The following KCNF1 variants were observed in gnomAD, a reference collection of about 807,000 sequenced individuals.
KCNF1 encodes voltage-gated potassium channel regulatory subunit KCNF1.
Under a neutral mutation model 28.6 loss-of-function variants are expected in KCNF1, and 9 were observed. The observed-to-expected ratio is 0.31, with a 90% CI of 0.19 to 0.55. The LOEUF (loss-of-function observed/expected upper bound fraction) is 0.55. Ranked by LOEUF, KCNF1 falls within the 20% of genes least tolerant of loss-of-function variation. The probability of loss-of-function intolerance (pLI) is 0.93; values close to 1 mark genes in which losing one functional copy is unlikely to be tolerated. For missense variants in KCNF1, 461 were observed against 684.2 expected, an observed-to-expected ratio of 0.67 and a Z score of 3.64; for synonymous variants, 328 against 299.6, an observed-to-expected ratio of 1.09 and a Z score of -0.98.
At position 10,913,041 on chromosome 2, in the gene KCNF1, C is replaced by T. The variant is rs775683846; in HGVS notation, c.615C>T (p.Pro205=). Residue 205 remains proline (P), a synonymous_variant, in exon 1 of 1, where the codon CCC becomes CCT. Coordinates refer to ENST00000295082, the MANE Select transcript of KCNF1 (RefSeq NM_002236.5). This position sits in a 1 kb window ranked among gnomAD's most constrained non-coding sequence, Gnocchi z 5.5. The part of the protein sequence containing the change: ...SSVVMCMGTI[P]ELQVLDAEGN... Reference sequence around the variant, plus strand: ...TGGTCATGTGCATGGGCACCATCCCCGAGCTGCAGGTGCTGGACGCCGAGG... The same window carrying T: ...TGGTCATGTGCATGGGCACCATCCCTGAGCTGCAGGTGCTGGACGCCGAGG... 2.2e-5 allele frequency: 35 copies of T among 1,604,030 alleles called. No homozygotes were observed. The East Asian group carries it at 5.3e-4, about 25-fold the overall frequency.
rs906710164 is a variant in KCNF1 at position 10,914,072 on chromosome 2, A to G, written c.*161A>G. Reference sequence around the variant, plus strand: ...GGCACCTCTGCCAAGGCTGGGTAAGACTCCTCTATGTTGCCTGCTGTCCAG... The same window carrying G: ...GGCACCTCTGCCAAGGCTGGGTAAGGCTCCTCTATGTTGCCTGCTGTCCAG... On this transcript the variant is annotated 3_prime_UTR_variant, in exon 1 of 1. Transcript: ENST00000295082. 6.4e-6 allele frequency: 5 copies of G among 782,772 alleles called. No individual in the cohort carries two copies. The highest frequency in any genetic ancestry group is 9.6e-6 in the Non-Finnish European group (5 of 522,652). 48.5% of individuals were successfully genotyped at this position (782,772 alleles called of 1,614,324 possible). A position where few individuals can be genotyped will look rare whatever the true frequency, so the allele number is the denominator to read the frequency against.
In KCNF1 at chr2:10,912,510, C is replaced by T. The variant is rs770616553; in HGVS notation, c.84C>T (p.Asn28=). 1.9e-5 allele frequency: 30 copies of T among 1,599,056 alleles called. No individual in the cohort carries two copies. Among genetic ancestry groups the T allele is most frequent in the Non-Finnish European group, 2.5e-5 (29 of 1,173,718 alleles). The part of the protein sequence containing the change: ...AASDDIEIVV[N]VGGVRQVLYG... ...GCGACGACATAGAGATAGTCGTCAA[C>T]GTGGGGGGCGTGCGGCAGGTGCTGT... The change falls in exon 1 of 1, where the codon AAC becomes AAT. Residue 28 remains asparagine, a synonymous_variant. Coordinates refer to ENST00000295082, the MANE Select transcript of KCNF1 (RefSeq NM_002236.5). This position sits in a 1 kb window ranked among gnomAD's most constrained non-coding sequence, Gnocchi z 7.9.
chr2:10,913,100 T>C lies in KCNF1; in HGVS notation c.674T>C (p.Val225Ala). The C allele has an allele frequency of 6.2e-7, 1 of 1,610,282 alleles. No individual in the cohort carries two copies. The highest frequency in any genetic ancestry group is 2.2e-5 in the East Asian group (1 of 44,888). ...GTGGAGCACCCGACGCTGGAGAACG[T>C]GGAGACGGCGTGCATTGGCTGGTTC... ...NRVEHPTLEN[V>A]ETACIGWFTL... Residue 225 changes from valine to alanine, a missense_variant, in exon 1 of 1, where the codon GTG becomes GCG. Around this residue, in one of 4 missense-constraint regions of KCNF1, gnomAD observed 193 missense variants for 280.6 expected, o/e 0.69. Coordinates refer to ENST00000295082, the MANE Select transcript of KCNF1 (RefSeq NM_002236.5). The surrounding 1 kb of genome is among the most constrained non-coding windows in gnomAD (Gnocchi z 5.5).
At position 10,912,026 on chromosome 2, in the gene KCNF1, C is replaced by G. The variant is rs1661540637; in HGVS notation, c.-401C>G. Reference sequence around the variant, plus strand: ...CGCGGACGGCGTGGGTCCGCCAGCTCCGGGACCTGCCGCCGCTGCCTGCGC... The same window carrying G: ...CGCGGACGGCGTGGGTCCGCCAGCTGCGGGACCTGCCGCCGCTGCCTGCGC... On this transcript the variant is annotated 5_prime_UTR_variant, in exon 1 of 1. Transcript: ENST00000295082. This position sits in a 1 kb window ranked among gnomAD's most constrained non-coding sequence, Gnocchi z 7.9. 1 of 152,110 alleles carries G rather than the reference C, an allele frequency of 6.6e-6. No individual in the cohort carries two copies. The highest frequency in any genetic ancestry group is 1.5e-5 in the Non-Finnish European group (1 of 68,006). 9.4% of individuals were successfully genotyped at this position (152,110 alleles called of 1,614,324 possible). A position where few individuals can be genotyped will look rare whatever the true frequency, so the allele number is the denominator to read the frequency against.
rs952167995 is a variant in KCNF1, at chr2:10,912,334, C to G, written c.-93C>G. ...CCGGCCAGGCTCTCCCCGAGATCAGCGCACGGGTGGCACCCGCCGGACCCC... is the reference window on the plus strand; with the variant it reads ...CCGGCCAGGCTCTCCCCGAGATCAGGGCACGGGTGGCACCCGCCGGACCCC... On this transcript the variant is annotated 5_prime_UTR_variant, in exon 1 of 1. Transcript: ENST00000295082. The surrounding 1 kb of genome is among the most constrained non-coding windows in gnomAD (Gnocchi z 7.9). 1 of 1,033,044 alleles carries G rather than the reference C, an allele frequency of 9.7e-7. No individual in the cohort carries two copies. The highest frequency in any genetic ancestry group is 1.2e-6 in the Non-Finnish European group (1 of 818,802). The allele number at this position is 1,033,044 out of a possible 1,614,324, so 64.0% of individuals were successfully genotyped here.
chr2:10,913,739 G>T lies in KCNF1; in HGVS notation c.1313G>T (p.Gly438Val), dbSNP rs763611972. The change falls in exon 1 of 1, where the codon GGC becomes GTC. Residue 438 changes from glycine to valine, a missense_variant. Gly to Val is a moderately radical substitution (Grantham distance 109, BLOSUM62 -3). Around this residue, in one of 4 missense-constraint regions of KCNF1, gnomAD observed 101 missense variants for 102.2 expected, o/e 0.99. Transcript: ENST00000295082. The surrounding 1 kb of genome is among the most constrained non-coding windows in gnomAD (Gnocchi z 5.5). ...ATGGAACTCAACTCCAGCAGCGGGG[G>T]CGAGGGCAAGACCGGGGGCTCCCGC... ...ELMELNSSSG[G>V]EGKTGGSRSD... is the part of the protein sequence containing the mutation. 1 of 1,613,452 alleles carries T rather than the reference G, an allele frequency of 6.2e-7. No homozygotes were observed. The highest frequency in any genetic ancestry group is 8.5e-7 in the Non-Finnish European group (1 of 1,179,832).
At position 10,913,930 on chromosome 2, in the gene KCNF1, A is replaced by AGAGATGG; in HGVS notation, c.*20_*26dup. 2 of 1,520,624 alleles carry AGAGATGG rather than the reference A, an allele frequency of 1.3e-6. No individual in the cohort carries two copies. The highest frequency in any genetic ancestry group is 1.8e-6 in the Non-Finnish European group (2 of 1,137,314). The allele number at this position is 1,520,624 out of a possible 1,614,324, so 94.2% of individuals were successfully genotyped here. A position where few individuals can be genotyped will look rare whatever the true frequency, so the allele number is the denominator to read the frequency against. Reference sequence around the variant, plus strand: ...CAAGTGACAGGAGGGCCCCTCAGGCAGAGATGGACCAGGCGGTGGACAGAT... The same window carrying AGAGATGG: ...CAAGTGACAGGAGGGCCCCTCAGGCAGAGATGGGAGATGGACCAGGCGGTGGACAGAT... On this transcript the variant is annotated 3_prime_UTR_variant, in exon 1 of 1. Transcript: ENST00000295082. The surrounding 1 kb of genome is among the most constrained non-coding windows in gnomAD (Gnocchi z 5.5).
At position 10,912,574 on chromosome 2, in the gene KCNF1, G is replaced by C; in HGVS notation, c.148G>C (p.Ala50Pro). 6.2e-7 allele frequency: 1 copy of C among 1,611,984 alleles called. No individual in the cohort carries two copies. ...CAGTCAGTACCCTGAGACCCGGCTG[G>C]CGGAGCTCATCAACTGCTTGGCTGG... ...LLSQYPETRL[A>P]ELINCLAGGY... Residue 50 changes from alanine to proline, a missense_variant, in exon 1 of 1, where the codon GCG (alanine) becomes CCG (proline). By Grantham distance (27) the Ala-to-Pro change is conservative. This residue lies in a region of KCNF1 where 193 missense variants were observed against 280.6 expected (regional missense o/e 0.69). Transcript: ENST00000295082. This position sits in a 1 kb window ranked among gnomAD's most constrained non-coding sequence, Gnocchi z 7.9.
chr2:10,913,387 T>A lies in KCNF1; in HGVS notation c.961T>A (p.Phe321Ile). The A allele has an allele frequency of 1.2e-6, 2 of 1,614,008 alleles. No individual in the cohort carries two copies. Among genetic ancestry groups the A allele is most frequent in the South Asian group, 2.2e-5 (2 of 91,086 alleles). Residue 321 changes from phenylalanine (F) to isoleucine (I), a missense_variant, in exon 1 of 1, where the codon TTC (phenylalanine) becomes ATC (isoleucine). Coordinates refer to ENST00000295082, the MANE Select transcript of KCNF1 (RefSeq NM_002236.5). This position sits in a 1 kb window ranked among gnomAD's most constrained non-coding sequence, Gnocchi z 5.5. ...QTLTYALKRS[F>I]KELGLLLMYL... Reference sequence around the variant, plus strand: ...CCTCACCTATGCCCTCAAGCGCAGCTTCAAGGAACTGGGGCTGCTGCTCAT... The same window carrying A: ...CCTCACCTATGCCCTCAAGCGCAGCATCAAGGAACTGGGGCTGCTGCTCAT...
At position 10,913,697 on chromosome 2, in the gene KCNF1, A is replaced by G. The variant is rs746807169; in HGVS notation, c.1271A>G (p.Lys424Arg). The G allele has an allele frequency of 2.0e-5, 32 of 1,614,040 alleles. No individual in the cohort carries two copies. Among genetic ancestry groups the G allele is most frequent in the Non-Finnish European group, 2.5e-5 (30 of 1,180,024 alleles). ...NKQRVLETAA[K>R]HELELMELNS... ...CAGCGCGTCCTGGAGACCGCGGCCA[A>G]GCACGAGCTGGAGCTGATGGAACTC... Residue 424 changes from lysine to arginine, a missense_variant, in exon 1 of 1, where the codon AAG becomes AGG. Lys to Arg is a conservative substitution (Grantham distance 26, BLOSUM62 2). Around this residue, in one of 4 missense-constraint regions of KCNF1, gnomAD observed 101 missense variants for 102.2 expected, o/e 0.99. Coordinates refer to ENST00000295082, the MANE Select transcript of KCNF1 (RefSeq NM_002236.5). This position sits in a 1 kb window ranked among gnomAD's most constrained non-coding sequence, Gnocchi z 5.5.
chr2:10,912,472 A>T lies in KCNF1; in HGVS notation c.46A>T (p.Ser16Cys). ...CAGCCTCCCGGAGCCGGGCAGCCAGAGCTCCGCTGCCAGCGACGACATAGA... is the reference window on the plus strand; with the variant it reads ...CAGCCTCCCGGAGCCGGGCAGCCAGTGCTCCGCTGCCAGCGACGACATAGA... ...ERSLPEPGSQSSAASDDIEIV... is the reference protein window; with the variant it reads ...ERSLPEPGSQCSAASDDIEIV... Residue 16 changes from serine to cysteine, a missense_variant, in exon 1 of 1, where the codon AGC becomes TGC. Ser to Cys is a moderately radical substitution (Grantham distance 112, BLOSUM62 -1). This residue lies in a region of KCNF1 where 52 missense variants were observed against 39.8 expected (regional missense o/e 1.31). Transcript: ENST00000295082. The surrounding 1 kb of genome is among the most constrained non-coding windows in gnomAD (Gnocchi z 7.9). 1.3e-6 allele frequency: 2 copies of T among 1,499,972 alleles called. No homozygotes were observed. Among genetic ancestry groups the T allele is most frequent in the African/African-American group, 1.4e-5 (1 of 71,484 alleles). 92.9% of individuals were successfully genotyped at this position (1,499,972 alleles called of 1,614,324 possible).
At position 10,912,388 on chromosome 2, in the gene KCNF1, G is replaced by A. The variant is rs1353043622; in HGVS notation, c.-39G>A. The A allele has an allele frequency of 1.6e-6, 2 of 1,232,990 alleles. No homozygotes were observed. The highest frequency in any genetic ancestry group is 2.0e-6 in the Non-Finnish European group (2 of 989,282). 76.4% of individuals were successfully genotyped at this position (1,232,990 alleles called of 1,614,324 possible). On this transcript the variant is annotated 5_prime_UTR_variant, in exon 1 of 1. Coordinates refer to ENST00000295082, the MANE Select transcript of KCNF1 (RefSeq NM_002236.5). This position sits in a 1 kb window ranked among gnomAD's most constrained non-coding sequence, Gnocchi z 7.9. ...CGGCAGCGGCGGCGGCGGCTGCAGG[G>A]GGCGCGGGGCGGAGGCTGCGAGGGC...
chr2:10,912,615 C>T lies in KCNF1; in HGVS notation c.189C>T (p.Ile63=), dbSNP rs199646402. 2.4e-5 allele frequency: 39 copies of T among 1,613,432 alleles called. No homozygotes were observed. In the Admixed American group the frequency reaches 4.3e-4, roughly 18 times the overall value. ...INCLAGGYDT[I]FSLCDDYDPG... is the part of the protein sequence containing the mutation. Reference sequence around the variant, plus strand: ...GCTTGGCTGGGGGCTACGACACCATCTTCTCCCTGTGCGACGACTACGACC... The same window carrying T: ...GCTTGGCTGGGGGCTACGACACCATTTTCTCCCTGTGCGACGACTACGACC... The change falls in exon 1 of 1, where the codon ATC becomes ATT. Residue 63 remains isoleucine (I), a synonymous_variant. Transcript: ENST00000295082. The surrounding 1 kb of genome is among the most constrained non-coding windows in gnomAD (Gnocchi z 7.9).
Position 10,912,781 on chromosome 2 carries a change from G to A in KCNF1, c.355G>A (p.Asp119Asn). The A allele has an allele frequency of 1.2e-6, 2 of 1,614,104 alleles. No individual in the cohort carries two copies. The highest frequency in any genetic ancestry group is 1.1e-5 in the South Asian group (1 of 91,086). ...GAACGAGATGGACTTCTGGAAGGTG[G>A]ACCTCAAGTTCCTGGACGACTGTTG... is the stretch of plus-strand genomic sequence containing the variant. Reference protein sequence around the residue: ...FKNEMDFWKVDLKFLDDCCKS... With the variant: ...FKNEMDFWKVNLKFLDDCCKS... The change falls in exon 1 of 1, where the codon GAC becomes AAC. Residue 119 changes from aspartate to asparagine, a missense_variant. This residue lies in a region of KCNF1 where 193 missense variants were observed against 280.6 expected (regional missense o/e 0.69). Coordinates refer to ENST00000295082, the MANE Select transcript of KCNF1 (RefSeq NM_002236.5). The surrounding 1 kb of genome is among the most constrained non-coding windows in gnomAD (Gnocchi z 7.9).
Position 10,913,888 on chromosome 2 carries a change from A to C in KCNF1, c.1462A>C (p.Thr488Pro). The C allele has an allele frequency of 6.6e-7, 1 of 1,521,632 alleles. No homozygotes were observed. The highest frequency in any genetic ancestry group is 8.8e-7 in the Non-Finnish European group (1 of 1,137,076). The allele number at this position is 1,521,632 out of a possible 1,614,324, so 94.3% of individuals were successfully genotyped here. A position where few individuals can be genotyped will look rare whatever the true frequency, so the allele number is the denominator to read the frequency against. The change falls in exon 1 of 1, where the codon ACC becomes CCC. Residue 488 changes from threonine (T) to proline (P), a missense_variant. Physicochemically the swap from Thr to Pro is conservative, Grantham distance 38. Transcript: ENST00000295082. This position sits in a 1 kb window ranked among gnomAD's most constrained non-coding sequence, Gnocchi z 5.5. ...PLLTEEKHHR[T>P]RLQSCK ...CCTGACCGAGGAGAAGCACCACAGG[A>C]CCCGGCTCCAGAGTTGCAAGTGACA...
rs1318473100 is a variant in KCNF1, at chr2:10,912,336, C to T, written c.-91C>T. On this transcript the variant is annotated 5_prime_UTR_variant, in exon 1 of 1. Transcript: ENST00000295082. This position sits in a 1 kb window ranked among gnomAD's most constrained non-coding sequence, Gnocchi z 7.9. ...GGCCAGGCTCTCCCCGAGATCAGCG[C>T]ACGGGTGGCACCCGCCGGACCCCCA... 5 of 1,046,776 alleles carry T rather than the reference C, an allele frequency of 4.8e-6. No individual in the cohort carries two copies. The Admixed American group carries it at 2.3e-4, about 48-fold the overall frequency. 64.8% of individuals were successfully genotyped at this position (1,046,776 alleles called of 1,614,324 possible).
At position 10,913,734 on chromosome 2, in the gene KCNF1, C is replaced by T. The variant is rs139764455; in HGVS notation, c.1308C>T (p.Ser436=). 3.1e-6 allele frequency: 5 copies of T among 1,613,256 alleles called. No homozygotes were observed. The African/African-American group carries it at 4.0e-5, about 13-fold the overall frequency. The change falls in exon 1 of 1, where the codon AGC becomes AGT. Residue 436 remains serine (S), a synonymous_variant. Coordinates refer to ENST00000295082, the MANE Select transcript of KCNF1 (RefSeq NM_002236.5). The surrounding 1 kb of genome is among the most constrained non-coding windows in gnomAD (Gnocchi z 5.5). ...AGCTGATGGAACTCAACTCCAGCAG[C>T]GGGGGCGAGGGCAAGACCGGGGGCT... ...ELELMELNSS[S]GGEGKTGGSR...
In KCNF1 at chr2:10,912,430, G is replaced by A; in HGVS notation, c.4G>A (p.Asp2Asn). Residue 2 changes from aspartate (D) to asparagine (N), a missense_variant, in exon 1 of 1, where the codon GAC becomes AAC. Asp to Asn is a conservative substitution (Grantham distance 23, BLOSUM62 1). Around this residue, in one of 4 missense-constraint regions of KCNF1, gnomAD observed 52 missense variants for 39.8 expected, o/e 1.31. Transcript: ENST00000295082. The surrounding 1 kb of genome is among the most constrained non-coding windows in gnomAD (Gnocchi z 7.9). M[D>N]GSGERSLPEP... ...TGCGAGGGCGCGCGCGGGGAGGATG[G>A]ACGGGTCCGGGGAGCGCAGCCTCCC... 2 of 1,340,554 alleles carry A rather than the reference G, an allele frequency of 1.5e-6. No homozygotes were observed. Among genetic ancestry groups the A allele is most frequent in the Middle Eastern group, 2.8e-4 (1 of 3,596 alleles). 83.0% of individuals were successfully genotyped at this position (1,340,554 alleles called of 1,614,324 possible).
In KCNF1 at chr2:10,913,488, T is replaced by A. The variant is rs1661575734; in HGVS notation, c.1062T>A (p.Phe354Leu). The A allele has an allele frequency of 6.2e-7, 1 of 1,614,022 alleles. No homozygotes were observed. The highest frequency in any genetic ancestry group is 1.3e-5 in the African/African-American group (1 of 74,918). ...TMEQSHPETL[F>L]KSIPQSFWWA... ...AGCAGAGCCATCCAGAGACCCTGTT[T>A]AAGAGCATCCCCCAGTCCTTCTGGT... The change falls in exon 1 of 1, where the codon TTT (phenylalanine) becomes TTA (leucine). Residue 354 changes from phenylalanine (F) to leucine (L), a missense_variant. By Grantham distance (22) the Phe-to-Leu change is conservative. Around this residue, in one of 4 missense-constraint regions of KCNF1, gnomAD observed 115 missense variants for 261.6 expected, o/e 0.44. Transcript: ENST00000295082. The surrounding 1 kb of genome is among the most constrained non-coding windows in gnomAD (Gnocchi z 5.5).
Sources: allele counts gnomAD v4.1 joint callset, GRCh38; gene constraint gnomAD v4.1.1; regional missense constraint gnomAD v4.1.1; non-coding constraint Gnocchi (gnomAD v3.1); transcripts MANE v1.5; gene names NCBI Gene and HGNC (gene_info 2026-07-23, HGNC 2026-07-21).